GCNT1: variants seen among roughly 807,000 people sequenced by gnomAD.
The protein encoded by GCNT1 is beta-1,3-galactosyl-O-glycosyl-glycoprotein beta-1,6-N-acetylglucosaminyltransferase.
In GCNT1, 16 loss-of-function variants were observed where a neutral mutation model predicts 26.2. The observed-to-expected ratio is 0.61, with a 90% CI of 0.41 to 0.93. GCNT1 has a LOEUF of 0.93. Among genes scored for constraint, GCNT1 ranks in the 40% least tolerant of loss-of-function variants. The pLI, the probability that GCNT1 is intolerant of heterozygous loss-of-function variation, is 0.00. For synonymous variants in GCNT1, 183 were observed against 190.8 expected, an observed-to-expected ratio of 0.96 and a Z score of 0.34; for missense variants, 477 against 526.7, an observed-to-expected ratio of 0.91 and a Z score of 0.92.
At chr9:76,438,846 G>C (rs1192577418), upstream of GCNT1, among the ~76,000 whole-genome samples, 1 of 151,850 alleles carries the variant, frequency 6.6e-6, no homozygotes, top group East Asian at 1.9e-4. Flanking sequence ...TTATGAATTT[G>C]TGTTGGGCCT....
At chr9:76,478,195 A>G (rs565830206) in intron 2 of GCNT1, among the ~76,000 whole-genome samples, 4 of 152,178 alleles carry the variant, frequency 2.6e-5, no homozygotes, top group Non-Finnish European at 5.9e-5. Context: ...CATGTAGTGG[A>G]AACTTGGTTC....
the GCNT1 span, among the ~76,000 whole-genome samples, chr9:76,402,817 T>C: frequency 6.6e-6 from 1 of 152,172 alleles, no homozygotes; most frequent in African/African-American, 2.4e-5. Flanking sequence ...GTAGCTGGCA[T>C]TACAGGCACG....
intron 2 of GCNT1, among the ~76,000 whole-genome samples, chr9:76,484,382 AAG>A (rs1018690972): frequency 3.9e-5 from 6 of 152,108 alleles, no homozygotes; most frequent in Admixed American, 2.0e-4. Context: ...AAAAAAAAAA[AAG>A]AGAGAGAAAG....
At chr9:76,401,861 C>G in the GCNT1 span, among the ~76,000 whole-genome samples, 1 of 152,174 alleles carries the variant, frequency 6.6e-6, no homozygotes, top group African/African-American at 2.4e-5. Context: ...TGCCACTGCA[C>G]TCCAGCCTGG....
At chr9:76,416,699 ATTC>A (rs542406145), upstream of GCNT1, among the ~76,000 whole-genome samples, 71 of 152,340 alleles carry the variant, frequency 4.7e-4, no homozygotes, top group African/African-American at 1.4e-3. Flanking sequence ...TATGGCATAA[ATTC>A]TTCTTTTAAT....
At chr9:76,433,210 C>T (rs1823361195) in intron 1 of GCNT1, among the ~76,000 whole-genome samples, 1 of 152,234 alleles carries the variant, frequency 6.6e-6, no homozygotes, top group Admixed American at 6.5e-5. Context: ...GACAGTAACA[C>T]TGTAGCCCTC....
chr9:76,449,275 G>A lies in GCNT1; in HGVS notation c.-290+6960G>A, dbSNP rs1420118153. Among the ~76,000 whole-genome samples, 4 of 151,534 alleles carry A rather than the reference G, an allele frequency of 2.6e-5. No individual in the cohort carries two copies. In the South Asian group the frequency reaches 8.3e-4, roughly 32 times the overall value. On this transcript the variant is annotated intron_variant, in intron 1 of 2. Transcript: ENST00000442371. ...ATCACACTACCACACTCCAGCCTGG[G>A]CAACAACAAACAAGACCCTGTCTCT... is the stretch of plus-strand genomic sequence containing the variant.
chr9:76,439,611 T>C (rs1823455333), upstream of GCNT1, among the ~76,000 whole-genome samples: 1 of 152,178 alleles, frequency 6.6e-6, no homozygotes, highest in Non-Finnish European at 1.5e-5. Flanking sequence ...AAATCAGTTG[T>C]TGGTAAAAGC....
In GCNT1 at chr9:76,504,880, A is replaced by G. The variant is rs1347116934; in HGVS notation, c.*1212A>G. The stretch of plus-strand genomic sequence containing the variant: ...CAGTCATTCCACATGGCCTGTTGGA[A>G]GGCCTGGGGAGGGAACTTTGGGTTT... On this transcript the variant is annotated 3_prime_UTR_variant, in exon 4 of 4. Coordinates refer to ENST00000376730, the MANE Select transcript of GCNT1 (RefSeq NM_001490.5). 1 of 413,078 alleles carries G rather than the reference A, an allele frequency of 2.4e-6. No individual in the cohort carries two copies. The highest frequency in any genetic ancestry group is 4.4e-6 in the Non-Finnish European group (1 of 226,102). The allele number at this position is 413,078 out of a possible 1,614,324, so 25.6% of individuals were successfully genotyped here.
the GCNT1 span, chr9:76,398,577 A>G: frequency 4.4e-6 from 3 of 675,004 alleles, no homozygotes; most frequent in Non-Finnish European, 7.9e-6. Context: ...TATTTAATCA[A>G]ATGAGGTGAA....
upstream of GCNT1, among the ~76,000 whole-genome samples, chr9:76,418,763 A>C (rs1211797922): frequency 6.6e-6 from 1 of 152,350 alleles, no homozygotes; most frequent in East Asian, 1.9e-4. Context: ...CCTGGGAGAC[A>C]GGAATTAATC....
chr9:76,429,784 G>A (rs531364588), intron 1 of GCNT1, among the ~76,000 whole-genome samples: 26 of 149,026 alleles, frequency 1.7e-4, no homozygotes, highest in East Asian at 1.2e-3. Flanking sequence ...GCGCAATCTC[G>A]GCTCACTGCA....
At position 76,435,700 on chromosome 9, in the gene GCNT1, A is replaced by G. The variant is rs147469169; in HGVS notation, n.38+15813A>G. ...ATTGTATTAAGGTCCCAGCCTTATT[A>G]CCTCATTTAATGTTAATTACATTCT... On this transcript the variant is annotated intron_variant and non_coding_transcript_variant, in intron 1 of 3. Coordinates refer to the GCNT1 transcript ENST00000488136. Among the ~76,000 whole-genome samples, 60 of 152,230 alleles carry G rather than the reference A, an allele frequency of 3.9e-4. 1 individual carries two copies. The East Asian group carries it at 8.9e-3, about 23-fold the overall frequency.
At chr9:76,428,125 G>A (rs563923821) in intron 1 of GCNT1, among the ~76,000 whole-genome samples, 42 of 151,814 alleles carry the variant, frequency 2.8e-4, no homozygotes, top group Admixed American at 6.6e-4. Flanking sequence ...AATTAGCCGC[G>A]CGTGGTGGCG....
chr9:76,401,905 A>G, the GCNT1 span, among the ~76,000 whole-genome samples: 2 of 152,190 alleles, frequency 1.3e-5, no homozygotes, highest in Non-Finnish European at 2.9e-5. Context: ...AAACAAACAA[A>G]CAAAAAACAC....
chr9:76,505,325 G>A lies in GCNT1; in HGVS notation c.*1657G>A, dbSNP rs557516733. 4.5e-4 allele frequency: 79 copies of A among 173,826 alleles called. No individual in the cohort carries two copies. Among genetic ancestry groups the A allele is most frequent in the African/African-American group, 1.9e-3 (78 of 41,874 alleles). 10.8% of individuals were successfully genotyped at this position (173,826 alleles called of 1,614,324 possible). On this transcript the variant is annotated 3_prime_UTR_variant, in exon 4 of 4. Coordinates refer to ENST00000376730, the MANE Select transcript of GCNT1 (RefSeq NM_001490.5). ...ATCATTTGTAAATGTGGAAGTTGGT[G>A]GATTGCTGTGTTTTTGCATGATTAG...
intron 1 of GCNT1, among the ~76,000 whole-genome samples, chr9:76,433,094 A>G (rs1040754026): frequency 4.6e-5 from 7 of 152,068 alleles, no homozygotes; most frequent in Non-Finnish European, 7.4e-5. Flanking sequence ...TCATCACTCA[A>G]TAAAACTCTT....
At chr9:76,414,306 C>T in the GCNT1 span, among the ~76,000 whole-genome samples, 1 of 152,128 alleles carries the variant, frequency 6.6e-6, no homozygotes, top group Non-Finnish European at 1.5e-5. Context: ...ACAAAAAGTA[C>T]ACCTTTAGCG....
intron 2 of GCNT1, among the ~76,000 whole-genome samples, chr9:76,468,496 T>G (rs1284888818): frequency 1.3e-5 from 2 of 152,198 alleles, no homozygotes; most frequent in Admixed American, 1.3e-4. Flanking sequence ...GATGGTTACC[T>G]TTTGGTATAT....
Sources: gnomAD v4.1 joint callset for allele counts (sites outside exome capture counted in the v4.1 genomes callset) on GRCh38, gnomAD v4.1.1 for gene constraint, MANE v1.5 for transcripts, NCBI Gene and HGNC (gene_info 2026-07-23, HGNC 2026-07-21) for gene names.